The following NKAIN3 variants were observed in gnomAD, a reference collection of about 807,000 sequenced individuals.
NKAIN3 encodes sodium/potassium transporting ATPase interacting 3, also known as sodium/potassium-transporting ATPase subunit beta-1-interacting protein 3.
In NKAIN3, 25 loss-of-function variants were observed where a neutral mutation model predicts 30.2. That is an observed-to-expected ratio of 0.83 (90% CI 0.60 to 1.16). The LOEUF is 1.16. Ranked by LOEUF, NKAIN3 falls within the 50% of genes most tolerant of loss-of-function variation. The pLI is 0.00. For synonymous variants in NKAIN3, 91 were observed against 89.6 expected (o/e 1.02, Z -0.09); for missense variants, 225 against 254.1 (o/e 0.89, Z 0.78).
intron 5 of NKAIN3, among the ~76,000 whole-genome samples, chr8:62,948,914 G>A (rs72656523): frequency 0.023 from 3,518 of 152,170 alleles, 53 homozygotes; most frequent in South Asian, 0.034. Flanking sequence ...ATGCATAAAC[G>A]TACAGGAAAA....
At chr8:62,649,652 C>T (rs569425812) in intron 3 of NKAIN3, among the ~76,000 whole-genome samples, 1 of 152,256 alleles carries the variant, frequency 6.6e-6, no homozygotes, top group Admixed American at 6.5e-5. Context: ...GGCATTCTCA[C>T]TGCCTCTTCA....
At chr8:62,863,895 C>A in intron 4 of NKAIN3, 6 of 1,373,404 alleles carry the variant, frequency 4.4e-6, no homozygotes, top group Non-Finnish European at 6.2e-6. Context: ...TGCTCATCAT[C>A]TGATCCAGGA....
intron 1 of NKAIN3, among the ~76,000 whole-genome samples, chr8:62,301,800 C>T (rs1814058384): frequency 6.6e-6 from 1 of 151,990 alleles, no homozygotes; most frequent in Non-Finnish European, 1.5e-5. Flanking sequence ...TTTGAATCAG[C>T]CTTTCAAAGA....
At chr8:62,439,333 A>G (rs920154677) in intron 1 of NKAIN3, among the ~76,000 whole-genome samples, 7 of 152,304 alleles carry the variant, frequency 4.6e-5, no homozygotes, top group Non-Finnish European at 8.8e-5. Context: ...CCACATTTGA[A>G]GAGACTGTTA....
At chr8:62,334,265 G>A (rs1815455829) in intron 1 of NKAIN3, among the ~76,000 whole-genome samples, 1 of 152,092 alleles carries the variant, frequency 6.6e-6, no homozygotes, top group African/African-American at 2.4e-5. Context: ...GGAGCTAGAA[G>A]TCCAGAATCA....
chr8:62,887,239 T>C (rs757879807), intron 4 of NKAIN3, among the ~76,000 whole-genome samples: 3 of 152,222 alleles, frequency 2.0e-5, no homozygotes, highest in Admixed American at 2.0e-4. Flanking sequence ...TTGTGTTTTT[T>C]TTCTGCCTCT....
Position 62,975,828 on chromosome 8 carries a change from A to G in NKAIN3, c.*10421A>G, listed in dbSNP as rs1823929270. 6.6e-6 allele frequency among the ~76,000 whole-genome samples: 1 copy of G among 152,156 alleles called. No homozygotes were observed. Among genetic ancestry groups the G allele is most frequent in the Non-Finnish European group, 1.5e-5 (1 of 68,020 alleles). On this transcript the variant is annotated 3_prime_UTR_variant, in exon 7 of 7. Transcript: ENST00000623646. ...CTCCTGTGAGCACTTAGGTCTATAA[A>G]TTTCCTTCTAAGCACTCCCTCTAAG...
At chr8:62,448,136 C>G (rs1805540161) in intron 1 of NKAIN3, among the ~76,000 whole-genome samples, 1 of 151,986 alleles carries the variant, frequency 6.6e-6, no homozygotes, top group South Asian at 2.1e-4. Flanking sequence ...ACTCTCTTTG[C>G]TCTGACATAT....
At chr8:62,585,658 T>C (rs1810448537) in intron 2 of NKAIN3, among the ~76,000 whole-genome samples, 1 of 152,140 alleles carries the variant, frequency 6.6e-6, no homozygotes, top group Admixed American at 6.6e-5. Flanking sequence ...TATGAGAATC[T>C]AATGCCACGC....
chr8:62,865,050 G>A (rs1337794337), intron 4 of NKAIN3, among the ~76,000 whole-genome samples: 1 of 152,120 alleles, frequency 6.6e-6, no homozygotes, highest in African/African-American at 2.4e-5. Flanking sequence ...GGAGAGTCCG[G>A]TTTACTGACC....
rs1823794272 is a variant in NKAIN3, at chr8:62,969,901, A to G, written c.*4494A>G. ...ATAACTGCACAGTGAACAATTTAGAAAGGGAACAGATGACCAGACACAGTG... is the reference window on the plus strand; with the variant it reads ...ATAACTGCACAGTGAACAATTTAGAGAGGGAACAGATGACCAGACACAGTG... On this transcript the variant is annotated 3_prime_UTR_variant, in exon 7 of 7. Coordinates refer to ENST00000623646, the MANE Select transcript of NKAIN3 (RefSeq NM_001304533.3). Among the ~76,000 whole-genome samples, 1 of 152,166 alleles carries G rather than the reference A, an allele frequency of 6.6e-6. No individual in the cohort carries two copies. The highest frequency in any genetic ancestry group is 1.5e-5 in the Non-Finnish European group (1 of 68,032).
intron 4 of NKAIN3, among the ~76,000 whole-genome samples, chr8:62,813,499 C>CTTT (rs34402019): frequency 1.4e-5 from 2 of 141,540 alleles, no homozygotes; most frequent in African/African-American, 5.2e-5. Context: ...TTGAGTCTTC[C>CTTT]TTTTTTTTTT....
intron 3 of NKAIN3, among the ~76,000 whole-genome samples, chr8:62,621,787 A>G (rs1811624216): frequency 6.6e-6 from 1 of 152,050 alleles, no homozygotes; most frequent in South Asian, 2.1e-4. Context: ...CTAGCTCCAA[A>G]TCCTGAAGAT....
At chr8:62,425,715 T>G (rs1804786035) in intron 1 of NKAIN3, among the ~76,000 whole-genome samples, 1 of 151,984 alleles carries the variant, frequency 6.6e-6, no homozygotes, top group South Asian at 2.1e-4. Context: ...AAAAATTATT[T>G]TTTAAAGAAT....
intron 1 of NKAIN3, among the ~76,000 whole-genome samples, chr8:62,554,235 T>G (rs540991501): frequency 1.3e-5 from 2 of 152,196 alleles, no homozygotes; most frequent in Non-Finnish European, 2.9e-5. Context: ...AAACATCAGA[T>G]TTTTATTTTT....
In NKAIN3 at chr8:62,601,186, T is replaced by C. The variant is rs146254548; in HGVS notation, c.273+11392T>C. Among the ~76,000 whole-genome samples the C allele has an allele frequency of 5.1e-3, 780 of 152,174 alleles. 8 individuals are homozygous for C. The highest frequency in any genetic ancestry group is 0.016 in the African/African-American group (657 of 41,558). On this transcript the variant is annotated intron_variant, in intron 3 of 6. Coordinates refer to ENST00000623646, the MANE Select transcript of NKAIN3 (RefSeq NM_001304533.3). The stretch of plus-strand genomic sequence containing the variant: ...AGTTTGAAATTAAATCAAGGATATA[T>C]AGCATCTTTCCTTTTTTATTTAAAC...
chr8:62,762,666 G>A (rs1586171677), intron 4 of NKAIN3, among the ~76,000 whole-genome samples: 4 of 152,246 alleles, frequency 2.6e-5, no homozygotes. Flanking sequence ...TTTGGTGGTA[G>A]CAGCAGAAAT....
intron 1 of NKAIN3, among the ~76,000 whole-genome samples, chr8:62,379,930 A>G (rs16928822): frequency 0.14 from 20,837 of 152,178 alleles, 1,728 homozygotes; most frequent in East Asian, 0.4. Context: ...ACAGAGGCTC[A>G]GGCAGGGCTC....
At chr8:62,621,122 T>C (rs1290250193) in intron 3 of NKAIN3, among the ~76,000 whole-genome samples, 1 of 152,212 alleles carries the variant, frequency 6.6e-6, no homozygotes, top group Non-Finnish European at 1.5e-5. Context: ...GTCTTCTTTT[T>C]AATTAATATT....
Sources: gnomAD v4.1 joint callset for allele counts (sites outside exome capture counted in the v4.1 genomes callset) on GRCh38, gnomAD v4.1.1 for gene constraint, MANE v1.5 for transcripts, NCBI Gene and HGNC (gene_info 2026-07-23, HGNC 2026-07-21) for gene names.